Variants in PALLD observed in about 807,000 individuals in gnomAD.
The protein encoded by PALLD is palladin, cytoskeletal associated protein.
In PALLD, 61 loss-of-function variants were observed where a neutral mutation model predicts 123.5. The observed-to-expected ratio is 0.49, with a 90% CI of 0.40 to 0.61. PALLD has a LOEUF of 0.61. Among genes scored for constraint, PALLD ranks in the 20% least tolerant of loss-of-function variants. PALLD has a pLI of 0.00. For synonymous variants in PALLD, 465 were observed against 496.4 expected (o/e 0.94, Z 0.84); for missense variants, 1,273 against 1,377.0 (o/e 0.92, Z 1.20).
chr4:168,687,046 C>T (rs1782132366), intron 6 of PALLD, among the ~76,000 whole-genome samples: 1 of 152,190 alleles, frequency 6.6e-6, no homozygotes, highest in Non-Finnish European at 1.5e-5. Flanking sequence ...TCCAGTTGGA[C>T]TCCTACCTCA....
chr4:168,669,825 A>C (rs928040762), intron 3 of PALLD, among the ~76,000 whole-genome samples: 2 of 133,648 alleles, frequency 1.5e-5, no homozygotes, highest in African/African-American at 6.1e-5. Context: ...CACACACACA[A>C]TCATTTATAC....
chr4:168,862,239 T>A (rs1749594824), intron 10 of PALLD, among the ~76,000 whole-genome samples: 1 of 152,104 alleles, frequency 6.6e-6, no homozygotes, highest in African/African-American at 2.4e-5. Context: ...TGATCATGGC[T>A]CCCTGCAGCC....
chr4:168,646,782 A>C (rs1277734980), intron 2 of PALLD, among the ~76,000 whole-genome samples: 1 of 152,204 alleles, frequency 6.6e-6, no homozygotes, highest in Non-Finnish European at 1.5e-5. Flanking sequence ...TACACTATAA[A>C]ATCTTAGAAG....
chr4:168,789,914 G>A (rs1737271790), intron 10 of PALLD, among the ~76,000 whole-genome samples: 1 of 151,866 alleles, frequency 6.6e-6, no homozygotes, highest in Non-Finnish European at 1.5e-5. Flanking sequence ...ACTTAACACC[G>A]TGAAAAATCA....
chr4:168,607,989 T>C (rs1486457531), intron 2 of PALLD, among the ~76,000 whole-genome samples: 1 of 152,158 alleles, frequency 6.6e-6, no homozygotes, highest in Non-Finnish European at 1.5e-5. Flanking sequence ...GCTGGAAATA[T>C]GGCTACCAGC....
chr4:168,826,303 G>T (rs1240174757), intron 10 of PALLD, among the ~76,000 whole-genome samples: 1 of 152,192 alleles, frequency 6.6e-6, no homozygotes, highest in Admixed American at 6.5e-5. Context: ...ATAATCAATT[G>T]CTCCATTGGT....
At chr4:168,716,193 A>G (rs1785354132) in intron 10 of PALLD, among the ~76,000 whole-genome samples, 1 of 152,126 alleles carries the variant, frequency 6.6e-6, no homozygotes, top group Admixed American at 6.5e-5. Context: ...TGTGGGAGAA[A>G]GGTAGGACTC....
intron 10 of PALLD, among the ~76,000 whole-genome samples, chr4:168,770,530 A>G (rs184460296): frequency 4.7e-4 from 72 of 152,342 alleles, no homozygotes; most frequent in African/African-American, 1.7e-3. Flanking sequence ...TTGGCTTCTA[A>G]CCTTCCTGGG....
intron 10 of PALLD, among the ~76,000 whole-genome samples, chr4:168,837,698 G>T (rs1366609453): frequency 6.6e-6 from 1 of 152,186 alleles, no homozygotes; most frequent in African/African-American, 2.4e-5. Context: ...TTTTAAGAGG[G>T]TAAGTAATTT....
At chr4:168,688,530 T>C (rs1210034205) in intron 6 of PALLD, among the ~76,000 whole-genome samples, 4 of 152,232 alleles carry the variant, frequency 2.6e-5, no homozygotes, top group Admixed American at 6.5e-5. Context: ...CCCCAGATCC[T>C]ACACAAAGTA....
chr4:168,913,853 G>A, intron 15 of PALLD, 74 bp from the exon 16 acceptor site: 1 of 961,568 alleles, frequency 1.0e-6, no homozygotes, highest in South Asian at 1.3e-5. Context: ...TAGAGAATAG[G>A]ACAGTAGGCA....
At chr4:168,724,574 A>G (rs1786357582) in intron 10 of PALLD, among the ~76,000 whole-genome samples, 1 of 152,274 alleles carries the variant, frequency 6.6e-6, no homozygotes, top group African/African-American at 2.4e-5. Context: ...ACAAGGAATT[A>G]GATAGTATGT....
chr4:168,874,482 T>A (rs1293822233), intron 10 of PALLD, among the ~76,000 whole-genome samples: 1 of 152,222 alleles, frequency 6.6e-6, no homozygotes, highest in African/African-American at 2.4e-5. Flanking sequence ...GAGGGGAATC[T>A]ATTGAGTTAG....
At chr4:168,681,513 G>T in intron 4 of PALLD, 115 bp downstream of exon 4, 2 of 657,194 alleles carry the variant, frequency 3.0e-6, no homozygotes, top group Admixed American at 1.9e-5. Flanking sequence ...ATGTTAATCA[G>T]AGATCAAATA....
rs1369641316 is a variant in PALLD, at chr4:168,570,392, C to G, written c.908+57980C>G. On this transcript the variant is annotated intron_variant, in intron 2 of 21. Coordinates refer to ENST00000505667, the MANE Select transcript of PALLD (RefSeq NM_001166108.2). The stretch of plus-strand genomic sequence containing the variant: ...TTTCTTTCCCTTACGGGTTTTAAAA[C>G]TTGGCCACATGGTATTTTTAAGTTG... Among the ~76,000 whole-genome samples, 3 of 152,132 alleles carry G rather than the reference C, an allele frequency of 2.0e-5. No individual in the cohort carries two copies. In the East Asian group the frequency reaches 5.8e-4, roughly 29 times the overall value.
At chr4:168,924,793 A>T in intron 19 of PALLD, 152 bp from the exon 20 acceptor site, 1 of 752,296 alleles carries the variant, frequency 1.3e-6, no homozygotes, top group Non-Finnish European at 2.2e-6. Context: ...CATTAACTTT[A>T]ATGGAGCTAG....
At chr4:168,756,295 C>T in intron 10 of PALLD, 1 of 209,614 alleles carries the variant, frequency 4.8e-6, no homozygotes, top group South Asian at 6.5e-5. Flanking sequence ...TTTGACTCAG[C>T]AAACCACAAC....
chr4:168,725,522 CTTTT>C (rs1210834634), intron 10 of PALLD, among the ~76,000 whole-genome samples: 2 of 91,652 alleles, frequency 2.2e-5, no homozygotes, highest in East Asian at 3.2e-4. Context: ...TCTTTAATTT[CTTTT>C]TTTTTTTTTT....
At chr4:168,626,079 TG>T (rs1353729403) in intron 2 of PALLD, among the ~76,000 whole-genome samples, 4 of 126,740 alleles carry the variant, frequency 3.2e-5, no homozygotes, top group African/African-American at 1.2e-4. Context: ...CTGGCTAACA[TG>T]GTAAAACCTC....
Sources: allele counts gnomAD v4.1 joint callset (sites outside exome capture counted in the v4.1 genomes callset), GRCh38; gene constraint gnomAD v4.1.1; transcripts MANE v1.5; gene names NCBI Gene and HGNC (gene_info 2026-07-23, HGNC 2026-07-21).